RYR3: variants seen among roughly 807,000 people sequenced by gnomAD.
The protein encoded by RYR3 is brain ryanodine receptor-calcium release channel.
A neutral mutation model predicts 584.3 loss-of-function variants in RYR3; 207 were observed. That is an observed-to-expected ratio of 0.35 (90% CI 0.32 to 0.40). The LOEUF is 0.40. Among genes scored for constraint, RYR3 ranks in the 10% least tolerant of loss-of-function variants. The pLI, the probability that RYR3 is intolerant of heterozygous loss-of-function variation, is 1.00. For synonymous variants in RYR3, 2,416 were observed against 2,248.5 expected (o/e 1.07, Z -2.11); for missense variants, 5,616 against 6,089.2 (o/e 0.92, Z 2.59).
intron 3 of RYR3, among the ~76,000 whole-genome samples, chr15:33,527,197 C>A (rs1401440525): frequency 6.6e-6 from 1 of 151,992 alleles, no homozygotes; most frequent in Non-Finnish European, 1.5e-5. Context: ...TTATGTACAA[C>A]CCTTTAGGTA....
At chr15:33,725,180 C>CACACACACACACACATATATAT (rs1555427020) in intron 45 of RYR3, among the ~76,000 whole-genome samples, 129 of 143,894 alleles carry the variant, frequency 9.0e-4, no homozygotes, top group Non-Finnish European at 8.1e-4. Flanking sequence ...CACACACACA[C>CACACACACACACACATATATAT]ACACACACAC....
intron 1 of RYR3, among the ~76,000 whole-genome samples, chr15:33,408,200 C>CTT (rs2043155754): frequency 1.3e-5 from 2 of 152,166 alleles, no homozygotes; most frequent in South Asian, 4.1e-4. Context: ...CTGTGGGCAT[C>CTT]TTTATGTCCA....
chr15:33,510,194 T>C (rs906954005), intron 3 of RYR3, among the ~76,000 whole-genome samples: 1 of 152,198 alleles, frequency 6.6e-6, no homozygotes, highest in Non-Finnish European at 1.5e-5. Context: ...GCTGGGTGTT[T>C]GGAGGTTTAG....
At chr15:33,337,350 T>A (rs949876311) in intron 1 of RYR3, among the ~76,000 whole-genome samples, 2 of 152,064 alleles carry the variant, frequency 1.3e-5, no homozygotes, top group Non-Finnish European at 2.9e-5. Flanking sequence ...ACCAAGAAAG[T>A]TTTCTCCAGA....
chr15:33,393,275 A>G (rs999635412), intron 1 of RYR3, among the ~76,000 whole-genome samples: 2 of 152,232 alleles, frequency 1.3e-5, no homozygotes, highest in African/African-American at 4.8e-5. Flanking sequence ...CCTGCTGATT[A>G]TTGTCGCATA....
chr15:33,663,595 T>C lies in RYR3; in HGVS notation c.5477T>C (p.Ile1826Thr), dbSNP rs768076107. The C allele has an allele frequency of 3.1e-6, 5 of 1,613,820 alleles. No homozygotes were observed. The East Asian group carries it at 8.9e-5, about 29-fold the overall frequency. The change falls in exon 36 of 104, where the codon ATT (isoleucine) becomes ACT (threonine). Residue 1826 changes from isoleucine to threonine, a missense_variant. By Grantham distance (89) the Ile-to-Thr change is moderately conservative (BLOSUM62 -1). Around this residue, in one of 9 missense-constraint regions of RYR3, gnomAD observed 1,280 missense variants for 1,426.2 expected, o/e 0.90. Transcript: ENST00000634891. ...GAGCTGCAGCACCGAGTGGAGGCCA[T>C]TGTGGCATTTGGTGACATTTATGTC... ...DCELQHRVEA[I>T]VAFGDIYVSK...
chr15:33,479,452 G>T (rs1430058041), intron 2 of RYR3, among the ~76,000 whole-genome samples: 2 of 145,890 alleles, frequency 1.4e-5, no homozygotes, highest in Admixed American at 6.8e-5. Flanking sequence ...CCCTTATCAT[G>T]TAATATGAAG....
At chr15:33,443,790 T>C (rs1191446512) in intron 1 of RYR3, among the ~76,000 whole-genome samples, 2 of 152,224 alleles carry the variant, frequency 1.3e-5, no homozygotes, top group Non-Finnish European at 2.9e-5. Flanking sequence ...GGAAGCTCTT[T>C]ATCACATTTT....
intron 71 of RYR3, 92 bp from the exon 72 acceptor site, chr15:33,810,885 GA>G: frequency 1.7e-6 from 2 of 1,185,876 alleles, no homozygotes; most frequent in Admixed American, 4.0e-5. Flanking sequence ...AGATCCCAGT[GA>G]AACTGTGCGT....
intron 1 of RYR3, among the ~76,000 whole-genome samples, chr15:33,400,043 C>A (rs2042549751): frequency 6.6e-6 from 1 of 152,098 alleles, no homozygotes; most frequent in African/African-American, 2.4e-5. Context: ...TCTTCTGACT[C>A]CTTTCTCGCA....
chr15:33,320,182 C>T (rs1595703260), intron 1 of RYR3, among the ~76,000 whole-genome samples: 1 of 152,276 alleles, frequency 6.6e-6, no homozygotes. Context: ...GGATCAGGCT[C>T]ACAATACACA....
At chr15:33,657,932 T>A (rs1406490026) in intron 32 of RYR3, among the ~76,000 whole-genome samples, 1 of 152,236 alleles carries the variant, frequency 6.6e-6, no homozygotes, top group Non-Finnish European at 1.5e-5. Flanking sequence ...CATAAAAATG[T>A]GTGGTTTTGT....
At chr15:33,839,099 T>A in intron 89 of RYR3, 141 bp downstream of exon 89, 1 of 1,045,762 alleles carries the variant, frequency 9.6e-7, no homozygotes, top group Non-Finnish European at 1.3e-6. Flanking sequence ...TACGCTGATC[T>A]TATAATTCCA....
At position 33,505,034 on chromosome 15, in the gene RYR3, G is replaced by A. The variant is rs141992355; in HGVS notation, c.279+1296G>A. 7.1e-3 allele frequency among the ~76,000 whole-genome samples: 1,073 copies of A among 152,182 alleles called. 19 individuals carry two copies. The highest frequency in any genetic ancestry group is 6.9e-3 in the Non-Finnish European group (466 of 68,000). On this transcript the variant is annotated intron_variant, in intron 3 of 103. Transcript: ENST00000634891. ...CTGTCATTGCAAGTCTTTTTTCTTC[G>A]CTACTGGAGAGTACACTGTCTGTGG...
At chr15:33,318,328 C>T (rs1261695294) in intron 1 of RYR3, among the ~76,000 whole-genome samples, 1 of 152,230 alleles carries the variant, frequency 6.6e-6, no homozygotes, top group Non-Finnish European at 1.5e-5. Flanking sequence ...GTGACCCTTG[C>T]AGATACCCAG....
rs376451804 is a variant in RYR3 at position 33,745,693 on chromosome 15, A to G, written c.7900-375A>G. Among the ~76,000 whole-genome samples the G allele has an allele frequency of 3.3e-4, 50 of 152,342 alleles. 1 individual carries two copies. The East Asian group carries it at 6.4e-3, about 19-fold the overall frequency. On this transcript the variant is annotated intron_variant, in intron 52 of 103. Transcript: ENST00000634891. ...TGCAAGGCAAATGGCCCCTCTAGGC[A>G]GTGGCAATAGGTCCAGTCTTCCCAG... is the stretch of plus-strand genomic sequence containing the variant.
chr15:33,565,045 C>T (rs555404802), intron 11 of RYR3, among the ~76,000 whole-genome samples: 42 of 152,290 alleles, frequency 2.8e-4, no homozygotes, highest in South Asian at 1.2e-3. Flanking sequence ...CACCCTCTTT[C>T]CTATTCCTAT....
chr15:33,727,236 G>T (rs776718304), intron 46 of RYR3, among the ~76,000 whole-genome samples: 9 of 152,240 alleles, frequency 5.9e-5, no homozygotes, highest in Non-Finnish European at 1.3e-4. Flanking sequence ...ACATCAGTCA[G>T]TGTTATCTTT....
chr15:33,578,733 C>G (rs1595685743), intron 12 of RYR3, among the ~76,000 whole-genome samples: 1 of 150,682 alleles, frequency 6.6e-6, no homozygotes, highest in Non-Finnish European at 1.5e-5. Flanking sequence ...AACAAACCTG[C>G]ACATCCTGCA....
Sources: allele counts gnomAD v4.1 joint callset (sites outside exome capture counted in the v4.1 genomes callset), GRCh38; gene constraint gnomAD v4.1.1; regional missense constraint gnomAD v4.1.1; transcripts MANE v1.5; gene names NCBI Gene and HGNC (gene_info 2026-07-23, HGNC 2026-07-21).